GGACT: variants seen among roughly 807,000 people sequenced by gnomAD.
The protein encoded by GGACT is gamma-glutamylamine cyclotransferase, also known as gamma-glutamylaminecyclotransferase.
For missense variants in GGACT, 241 were observed against 233.2 expected (o/e 1.03, Z -0.22); for synonymous variants, 118 against 115.3 (o/e 1.02, Z -0.15).
intron 2 of GGACT, among the ~76,000 whole-genome samples, chr13:100,554,961 A>C (rs567677321): frequency 6.6e-5 from 10 of 152,344 alleles, no homozygotes; most frequent in Non-Finnish European, 1.0e-4. Flanking sequence ...ACTGAAATGG[A>C]AAAATTCCTC....
At chr13:100,556,143 A>G (rs541030385) in intron 2 of GGACT, among the ~76,000 whole-genome samples, 3 of 152,360 alleles carry the variant, frequency 2.0e-5, no homozygotes, top group Non-Finnish European at 2.9e-5. Context: ...TAATAAAGGA[A>G]GAAAAAGAAA....
intron 2 of GGACT, among the ~76,000 whole-genome samples, chr13:100,550,343 C>CCACTTTTAAA (rs2088649750): frequency 1.7e-5 from 1 of 60,430 alleles, no homozygotes; most frequent in Non-Finnish European, 3.8e-5. Context: ...CACACACACA[C>CCACTTTTAAA]ACACACACAC....
intron 2 of GGACT, among the ~76,000 whole-genome samples, chr13:100,550,494 C>T (rs837309): frequency 0.62 from 92,636 of 150,072 alleles, 29,556 homozygotes; most frequent in East Asian, 0.85. Context: ...CAGAAACCGC[C>T]GACAAAAGCC....
chr13:100,532,971 T>A (rs2088437467), intron 2 of GGACT, among the ~76,000 whole-genome samples: 1 of 152,200 alleles, frequency 6.6e-6, no homozygotes, highest in Non-Finnish European at 1.5e-5. Flanking sequence ...ACAGGACACC[T>A]GCGTTCTGGG....
intron 2 of GGACT, among the ~76,000 whole-genome samples, chr13:100,540,993 G>A (rs2088548242): frequency 6.6e-6 from 1 of 152,146 alleles, no homozygotes; most frequent in Non-Finnish European, 1.5e-5. Context: ...CACCATGCTA[G>A]TTTTTTGTTT....
At chr13:100,587,467 G>T (rs1875613501) in intron 1 of GGACT, among the ~76,000 whole-genome samples, 1 of 152,184 alleles carries the variant, frequency 6.6e-6, no homozygotes, top group Non-Finnish European at 1.5e-5. Context: ...GAACACAGTG[G>T]TCTGCTTATT....
intron 2 of GGACT, among the ~76,000 whole-genome samples, chr13:100,567,816 C>T (rs1874948506): frequency 6.6e-6 from 1 of 152,218 alleles, no homozygotes; most frequent in African/African-American, 2.4e-5. Flanking sequence ...TAATAACTCT[C>T]TTCTTTGACA....
chr13:100,578,465 CCA>C (rs1286067126), intron 2 of GGACT, among the ~76,000 whole-genome samples: 1 of 152,200 alleles, frequency 6.6e-6, no homozygotes, highest in African/African-American at 2.4e-5. Flanking sequence ...TGGCAAGCTC[CCA>C]CAGTCAGTAC....
At chr13:100,587,454 C>G (rs1317805649) in intron 1 of GGACT, among the ~76,000 whole-genome samples, 1 of 152,208 alleles carries the variant, frequency 6.6e-6, no homozygotes, top group East Asian at 1.9e-4. Flanking sequence ...CGAATCTCTG[C>G]TAGAACACAG....
chr13:100,532,095 G>A lies in GGACT; in HGVS notation c.*35C>T, dbSNP rs886327484. The stretch of plus-strand genomic sequence containing the variant: ...GGCTGGGCGCATCTTGGAGCCCCAG[G>A]GCTCTCAAACCTAGGCCCACCCTGC... On this transcript the variant is annotated 3_prime_UTR_variant, in exon 3 of 3. Transcript: ENST00000683975. The A allele has an allele frequency of 5.7e-6, 8 of 1,396,934 alleles. No individual in the cohort carries two copies. In the Admixed American group the frequency reaches 1.5e-4, roughly 26 times the overall value. The allele number at this position is 1,396,934 out of a possible 1,614,324, so 86.5% of individuals were successfully genotyped here. A position where few individuals can be genotyped will look rare whatever the true frequency, so the allele number is the denominator to read the frequency against.
At chr13:100,571,576 G>A (rs565972476) in intron 2 of GGACT, among the ~76,000 whole-genome samples, 1 of 152,292 alleles carries the variant, frequency 6.6e-6, no homozygotes, top group South Asian at 2.1e-4. Context: ...GCCTCCCCAA[G>A]TGCTAGGATT....
intron 2 of GGACT, chr13:100,533,932 G>A (rs1444367661): frequency 6.6e-6 from 1 of 152,360 alleles, no homozygotes. Flanking sequence ...TCGTTGAGAT[G>A]GGCTTTGCAG....
At chr13:100,580,665 G>C (rs1031295167) in intron 2 of GGACT, among the ~76,000 whole-genome samples, 1 of 152,180 alleles carries the variant, frequency 6.6e-6, no homozygotes, top group African/African-American at 2.4e-5. Context: ...GGCTGCCTTG[G>C]CTTAGGCAGA....
In GGACT at chr13:100,557,618, A is replaced by G. The variant is rs139929091; in HGVS notation, c.-10-25017T>C. 2.1e-3 allele frequency among the ~76,000 whole-genome samples: 321 copies of G among 152,320 alleles called. 11 individuals are homozygous for G. In the East Asian group the frequency reaches 0.039, roughly 19 times the overall value. On this transcript the variant is annotated intron_variant, in intron 2 of 2. Coordinates refer to ENST00000683975, the MANE Select transcript of GGACT (RefSeq NM_001195087.2). ...CCTCTTATCTCACTCCCTATACACT[A>G]ATTAACTCAAAATGTATCCAAATAT...
rs897265002 is a variant in GGACT at position 100,545,051 on chromosome 13, C to A, written c.-10-12450G>T. On this transcript the variant is annotated intron_variant, in intron 2 of 2. Transcript: ENST00000683975. The surrounding 1 kb of genome is among the most constrained non-coding windows in gnomAD (Gnocchi z 4.4). The stretch of plus-strand genomic sequence containing the variant: ...CGGCAGCAGGAGGCAGAGCCAGGAA[C>A]ACATGCTGGGCAGGCGGCCAGCGGC... Among the ~76,000 whole-genome samples, 1 of 152,234 alleles carries A rather than the reference C, an allele frequency of 6.6e-6. No individual in the cohort carries two copies. The highest frequency in any genetic ancestry group is 2.4e-5 in the African/African-American group (1 of 41,466).
intron 1 of GGACT, 52 bp downstream of exon 1, chr13:100,588,689 T>TGG (rs1171363027): frequency 4.6e-5 from 7 of 151,436 alleles, no homozygotes; most frequent in African/African-American, 1.7e-4. Context: ...ACACCCCGCC[T>TGG]GGGGGGCGGA....
chr13:100,549,612 G>A (rs2088638663), intron 2 of GGACT, among the ~76,000 whole-genome samples: 1 of 152,268 alleles, frequency 6.6e-6, no homozygotes, highest in Non-Finnish European at 1.5e-5. Context: ...CCTCCAGTGG[G>A]CTCTGTAAGG....
chr13:100,577,742 T>C (rs1875295248), intron 2 of GGACT, among the ~76,000 whole-genome samples: 2 of 150,984 alleles, frequency 1.3e-5, no homozygotes, highest in Non-Finnish European at 2.9e-5. Context: ...ACTGTACTTT[T>C]GAGTATGTCT....
chr13:100,550,346 ACACACAC>A (rs2088650051), intron 2 of GGACT, among the ~76,000 whole-genome samples: 2 of 42,524 alleles, frequency 4.7e-5, no homozygotes, highest in South Asian at 1.3e-3. Flanking sequence ...ACACACACAC[ACACACAC>A]ACCACTGGCC....
Sources: allele counts gnomAD v4.1 joint callset (sites outside exome capture counted in the v4.1 genomes callset), GRCh38; gene constraint gnomAD v4.1.1; non-coding constraint Gnocchi (gnomAD v3.1); transcripts MANE v1.5; gene names NCBI Gene and HGNC (gene_info 2026-07-23, HGNC 2026-07-21).